Variants in RARB observed in about 807,000 individuals in gnomAD.
The protein encoded by RARB is HBV-activated protein.
RARB carries 17 observed loss-of-function variants against 51.9 expected under a neutral mutation model. The ratio of observed to expected loss-of-function variants is 0.33; its 90% CI spans 0.22 to 0.49. The LOEUF is 0.49. Among genes scored for constraint, RARB ranks in the 20% least tolerant of loss-of-function variants. The pLI, the probability that RARB is intolerant of heterozygous loss-of-function variation, is 0.99. For missense variants in RARB, 369 were observed against 550.8 expected, an observed-to-expected ratio of 0.67 and a Z score of 3.30; for synonymous variants, 215 against 195.4, an observed-to-expected ratio of 1.10 and a Z score of -0.84.
At chr3:25,301,415 T>C (rs919537236) in intron 5 of RARB, among the ~76,000 whole-genome samples, 1 of 150,788 alleles carries the variant, frequency 6.6e-6, no homozygotes, top group African/African-American at 2.4e-5. Flanking sequence ...ACAGGAGGTA[T>C]GGAGTTACTC....
At chr3:25,174,523 T>A (rs914530999) in exon 5 of RARB, 1 of 1,352,026 alleles carries the variant, frequency 7.4e-7, no homozygotes, top group African/African-American at 1.5e-5. Context: ...CTCCCCTCCA[T>A]GGCCTTCATG....
At chr3:25,009,676 C>T (rs1192201346) in intron 2 of RARB, among the ~76,000 whole-genome samples, 1 of 152,108 alleles carries the variant, frequency 6.6e-6, no homozygotes, top group African/African-American at 2.4e-5. Flanking sequence ...AGTTCCTTCT[C>T]CAACCTTACC....
intron 5 of RARB, among the ~76,000 whole-genome samples, chr3:25,262,367 C>T (rs528250959): frequency 3.9e-5 from 6 of 152,148 alleles, no homozygotes; most frequent in South Asian, 2.1e-4. Flanking sequence ...GTCGATTTTT[C>T]GTGTCTGCTA....
intron 2 of RARB, among the ~76,000 whole-genome samples, chr3:25,495,033 T>C (rs1214563953): frequency 2.0e-5 from 3 of 152,182 alleles, no homozygotes; most frequent in Non-Finnish European, 4.4e-5. Flanking sequence ...ATAACTCACT[T>C]AAGGTCATAC....
chr3:24,966,620 C>A (rs1696279460), intron 2 of RARB, among the ~76,000 whole-genome samples: 1 of 150,162 alleles, frequency 6.7e-6, no homozygotes, highest in East Asian at 1.9e-4. Context: ...CTCTCTCTCT[C>A]TCTCTCTCTC....
chr3:25,007,566 G>T (rs1697298120), intron 2 of RARB, among the ~76,000 whole-genome samples: 1 of 108,054 alleles, frequency 9.3e-6, no homozygotes, highest in Non-Finnish European at 1.7e-5. Flanking sequence ...TTGCATTCCA[G>T]CCTGGGCAAC....
At chr3:25,559,230 T>C (rs148702718) in intron 3 of RARB, among the ~76,000 whole-genome samples, 36 of 152,316 alleles carry the variant, frequency 2.4e-4, no homozygotes, top group African/African-American at 7.9e-4. Context: ...TTAAGAAATA[T>C]ATGTTGAACA....
intron 5 of RARB, among the ~76,000 whole-genome samples, chr3:25,305,635 G>A (rs1335970749): frequency 6.6e-6 from 1 of 152,164 alleles, no homozygotes; most frequent in Non-Finnish European, 1.5e-5. Flanking sequence ...AGGCAGGCCA[G>A]CCAGGCAGCT....
chr3:25,352,611 T>A (rs913083777), intron 5 of RARB, among the ~76,000 whole-genome samples: 1 of 152,228 alleles, frequency 6.6e-6, no homozygotes, highest in Non-Finnish European at 1.5e-5. Context: ...TCACTTTCTG[T>A]TTGCAATTTG....
intron 5 of RARB, among the ~76,000 whole-genome samples, chr3:25,297,325 A>G (rs1559348216): frequency 6.6e-6 from 1 of 151,922 alleles, no homozygotes; most frequent in Non-Finnish European, 1.5e-5. Flanking sequence ...GGAGCTTACA[A>G]TCAGTTCACT....
At chr3:25,063,899 T>A (rs976623336) in intron 3 of RARB, among the ~76,000 whole-genome samples, 1 of 151,984 alleles carries the variant, frequency 6.6e-6, no homozygotes, top group African/African-American at 2.4e-5. Context: ...TAAGCACTAC[T>A]TTGTGACTTA....
At chr3:25,278,009 C>T (rs1703434299) in intron 5 of RARB, among the ~76,000 whole-genome samples, 1 of 152,306 alleles carries the variant, frequency 6.6e-6, no homozygotes, top group Non-Finnish European at 1.5e-5. Context: ...TTGAGAGACT[C>T]ATCCTTTCAT....
At chr3:25,116,046 T>C (rs1229422504) in intron 3 of RARB, among the ~76,000 whole-genome samples, 2 of 152,206 alleles carry the variant, frequency 1.3e-5, no homozygotes, top group African/African-American at 4.8e-5. Context: ...CATTCTATAT[T>C]TCAGAACATT....
At chr3:24,992,030 T>C (rs1222664080) in intron 2 of RARB, among the ~76,000 whole-genome samples, 2 of 152,154 alleles carry the variant, frequency 1.3e-5, no homozygotes, top group African/African-American at 2.4e-5. Context: ...GCTCTCCTTA[T>C]ACCAGGGCAC....
At chr3:25,362,312 C>A (rs1705967274) in intron 5 of RARB, among the ~76,000 whole-genome samples, 1 of 152,148 alleles carries the variant, frequency 6.6e-6, no homozygotes, top group South Asian at 2.1e-4. Context: ...CCTACTAAAG[C>A]CCCAGTAATG....
chr3:25,246,693 G>A (rs1434553398), intron 5 of RARB, among the ~76,000 whole-genome samples: 1 of 152,146 alleles, frequency 6.6e-6, no homozygotes, highest in South Asian at 2.1e-4. Context: ...CCCTCTGGAA[G>A]TTTGGTCCCA....
intron 2 of RARB, among the ~76,000 whole-genome samples, chr3:24,878,819 G>A (rs1703101082): frequency 6.6e-6 from 1 of 152,006 alleles, no homozygotes; most frequent in African/African-American, 2.4e-5. Flanking sequence ...GGTTTTTCTT[G>A]GACTAGTAAG....
At chr3:25,019,540 T>C (rs1697584053) in intron 2 of RARB, among the ~76,000 whole-genome samples, 3 of 152,072 alleles carry the variant, frequency 2.0e-5, no homozygotes, top group Admixed American at 2.0e-4. Context: ...TAGCTCAAGG[T>C]TCAGAAAGCT....
At chr3:25,303,896 C>T (rs2125429078) in intron 5 of RARB, among the ~76,000 whole-genome samples, 1 of 152,238 alleles carries the variant, frequency 6.6e-6, no homozygotes, top group African/African-American at 2.4e-5. Flanking sequence ...GGGTGGCCCA[C>T]AGGTTTAATG....
Sources: gnomAD v4.1 joint callset for allele counts (sites outside exome capture counted in the v4.1 genomes callset) on GRCh38, gnomAD v4.1.1 for gene constraint, MANE v1.5 for transcripts, NCBI Gene and HGNC (gene_info 2026-07-23, HGNC 2026-07-21) for gene names.